The following CNTNAP2 variants were observed in gnomAD, a reference collection of about 807,000 sequenced individuals.
The protein encoded by CNTNAP2 is contactin-associated protein-like 2.
A neutral mutation model predicts 155.2 loss-of-function variants in CNTNAP2; 98 were observed. The observed-to-expected ratio is 0.63, with a 90% CI of 0.54 to 0.75. CNTNAP2 has a LOEUF of 0.75. Ranked by LOEUF, CNTNAP2 falls within the 30% of genes least tolerant of loss-of-function variation. The probability of loss-of-function intolerance (pLI) is 0.00; values close to 1 mark genes in which losing one functional copy is unlikely to be tolerated. For missense variants in CNTNAP2, 1,727 were observed against 1,688.1 expected (o/e 1.02, Z -0.40); for synonymous variants, 651 against 631.2 (o/e 1.03, Z -0.47).
chr7:148,162,416 T>C (rs10281042), intron 17 of CNTNAP2, among the ~76,000 whole-genome samples: 1,916 of 152,312 alleles, frequency 0.013, 49 homozygotes, highest in African/African-American at 0.044. Flanking sequence ...AACTTGGAAC[T>C]GTAGGTCCCA....
At chr7:146,484,628 C>G (rs2129129572) in intron 1 of CNTNAP2, among the ~76,000 whole-genome samples, 1 of 151,870 alleles carries the variant, frequency 6.6e-6, no homozygotes, top group Middle Eastern at 3.4e-3. Flanking sequence ...GAAACCGTAT[C>G]AGAAAGAAAG....
At chr7:148,356,619 A>T (rs1235257243) in intron 21 of CNTNAP2, among the ~76,000 whole-genome samples, 1 of 152,194 alleles carries the variant, frequency 6.6e-6, no homozygotes, top group East Asian at 1.9e-4. Flanking sequence ...TATTACATTA[A>T]TTCTCCTGAT....
At chr7:147,541,801 A>T (rs1799645238) in intron 11 of CNTNAP2, among the ~76,000 whole-genome samples, 1 of 152,196 alleles carries the variant, frequency 6.6e-6, no homozygotes, top group African/African-American at 2.4e-5. Context: ...GTGTTCACTA[A>T]GGGAAAAGAA....
chr7:146,866,656 A>G (rs1204606951), intron 3 of CNTNAP2, among the ~76,000 whole-genome samples: 1 of 152,102 alleles, frequency 6.6e-6, no homozygotes, highest in Non-Finnish European at 1.5e-5. Flanking sequence ...TTTTTTCACC[A>G]TGTTTCACTA....
chr7:146,289,844 A>G (rs1800400969), intron 1 of CNTNAP2, among the ~76,000 whole-genome samples: 1 of 152,178 alleles, frequency 6.6e-6, no homozygotes, highest in Admixed American at 6.5e-5. Context: ...TCTGTCAAAC[A>G]TTCTAAAACA....
chr7:148,016,757 T>C (rs2116912744), intron 15 of CNTNAP2, among the ~76,000 whole-genome samples: 1 of 152,348 alleles, frequency 6.6e-6, no homozygotes, highest in East Asian at 1.9e-4. Context: ...GAGGAAGGTA[T>C]ATATCCCTAA....
intron 11 of CNTNAP2, among the ~76,000 whole-genome samples, chr7:147,534,368 T>C (rs1352613611): frequency 2.0e-5 from 3 of 152,184 alleles, no homozygotes; most frequent in Non-Finnish European, 4.4e-5. Context: ...AATCAGTTTG[T>C]ATGGTCCCAG....
chr7:147,033,328 T>C (rs1051776452), intron 3 of CNTNAP2, among the ~76,000 whole-genome samples: 3 of 151,316 alleles, frequency 2.0e-5, no homozygotes, highest in Non-Finnish European at 4.4e-5. Flanking sequence ...GGGGGGTTAA[T>C]TTTTACATCT....
chr7:146,570,350 T>C, intron 1 of CNTNAP2, among the ~76,000 whole-genome samples: 1 of 152,174 alleles, frequency 6.6e-6, no homozygotes, highest in Non-Finnish European at 1.5e-5. Context: ...GTTTTGATAT[T>C]TTGGTCCCAC....
intron 4 of CNTNAP2, among the ~76,000 whole-genome samples, chr7:147,083,751 G>A (rs1800196802): frequency 7.2e-6 from 1 of 138,968 alleles, no homozygotes; most frequent in African/African-American, 2.6e-5. Flanking sequence ...GCTATATATA[G>A]GATTATATAT....
At chr7:147,086,070 A>T (rs1356460008) in intron 4 of CNTNAP2, among the ~76,000 whole-genome samples, 1 of 152,236 alleles carries the variant, frequency 6.6e-6, no homozygotes, top group African/African-American at 2.4e-5. Context: ...CGCAGCTTCC[A>T]AGAGAACTTC....
intron 3 of CNTNAP2, among the ~76,000 whole-genome samples, chr7:146,910,635 A>C (rs1281662998): frequency 6.6e-6 from 1 of 150,570 alleles, no homozygotes; most frequent in Non-Finnish European, 1.5e-5. Flanking sequence ...CCTTCCTTAC[A>C]CCTTATACAA....
At chr7:147,734,453 T>C (rs576603182) in intron 13 of CNTNAP2, among the ~76,000 whole-genome samples, 47 of 152,314 alleles carry the variant, frequency 3.1e-4, no homozygotes, top group Non-Finnish European at 6.0e-4. Flanking sequence ...TCAATGTTCA[T>C]CAGGGATATT....
intron 1 of CNTNAP2, among the ~76,000 whole-genome samples, chr7:146,234,313 G>T (rs1466325176): frequency 6.6e-6 from 1 of 152,058 alleles, no homozygotes; most frequent in Non-Finnish European, 1.5e-5. Context: ...TGATGGGGTT[G>T]TTTTTTTCTT....
At chr7:147,422,746 G>C (rs147464386) in intron 10 of CNTNAP2, among the ~76,000 whole-genome samples, 1 of 152,194 alleles carries the variant, frequency 6.6e-6, no homozygotes, top group Non-Finnish European at 1.5e-5. Context: ...CACTGAAATG[G>C]ATGTGGTAAA....
intron 1 of CNTNAP2, among the ~76,000 whole-genome samples, chr7:146,558,128 C>T (rs1412897056): frequency 6.6e-6 from 1 of 152,100 alleles, no homozygotes; most frequent in East Asian, 1.9e-4. Context: ...GGAATCAGGC[C>T]AAAGCATCTT....
chr7:147,256,698 G>T (rs1169822869), intron 8 of CNTNAP2, among the ~76,000 whole-genome samples: 3 of 152,290 alleles, frequency 2.0e-5, no homozygotes. Flanking sequence ...GGACTAACAT[G>T]TGAAGTTGCC....
chr7:146,618,131 G>C (rs1799257510), intron 1 of CNTNAP2, among the ~76,000 whole-genome samples: 1 of 152,138 alleles, frequency 6.6e-6, no homozygotes, highest in Non-Finnish European at 1.5e-5. Flanking sequence ...TGCTCAGCGT[G>C]GGGTAGACAT....
At chr7:147,523,883 C>G (rs1295733765) in intron 11 of CNTNAP2, among the ~76,000 whole-genome samples, 1 of 152,122 alleles carries the variant, frequency 6.6e-6, no homozygotes, top group East Asian at 1.9e-4. Flanking sequence ...ATAAATACTG[C>G]GGTGAATCTC....
Sources: gnomAD v4.1 joint callset for allele counts (sites outside exome capture counted in the v4.1 genomes callset) on GRCh38, gnomAD v4.1.1 for gene constraint, MANE v1.5 for transcripts, NCBI Gene and HGNC (gene_info 2026-07-23, HGNC 2026-07-21) for gene names.